Variants in KLHL8 observed in about 807,000 individuals in gnomAD.
KLHL8 encodes the protein kelch-like protein 8.
Under a neutral mutation model 63.5 loss-of-function variants are expected in KLHL8, and 38 were observed. That is an observed-to-expected ratio of 0.60 (90% confidence interval 0.46 to 0.78). The LOEUF is 0.78. KLHL8 is among the 30% of genes least tolerant of loss of function. The pLI is 0.00. For synonymous variants in KLHL8, 224 were observed against 254.3 expected (o/e 0.88, Z 1.13); for missense variants, 566 against 752.4 (o/e 0.75, Z 2.90).
At chr4:87,224,189 G>T (rs1012446310), upstream of KLHL8, among the ~76,000 whole-genome samples, 13 of 152,054 alleles carry the variant, frequency 8.5e-5, no homozygotes, top group Admixed American at 6.6e-4. Flanking sequence ...AGCCTCCTGA[G>T]TAGCTGGGTT....
In KLHL8 at chr4:87,163,919, T is replaced by C. The variant is rs1730273586; in HGVS notation, c.1698A>G (p.Ala566=). 1.2e-6 allele frequency: 2 copies of C among 1,614,164 alleles called. No individual in the cohort carries two copies. Among genetic ancestry groups the C allele is most frequent in the Non-Finnish European group, 1.7e-6 (2 of 1,180,012 alleles). The change falls in exon 9 of 10, where the codon GCA becomes GCG. Residue 566 remains alanine (A), a synonymous_variant. Transcript: ENST00000273963. Reference sequence around the variant, plus strand: ...CAAACGCTTCTACTGTATTTAAGTATGCATTGCCATTATGACCACCAACTG... The same window carrying C: ...CAAACGCTTCTACTGTATTTAAGTACGCATTGCCATTATGACCACCAACTG... The part of the protein sequence containing the change: ...IFAVGGHNGN[A]YLNTVEAFDP...
chr4:87,184,564 T>C (rs1731178684), intron 3 of KLHL8, among the ~76,000 whole-genome samples: 1 of 152,064 alleles, frequency 6.6e-6, no homozygotes, highest in South Asian at 2.1e-4. Context: ...AGAACACTCT[T>C]CTTTTAAGTA....
At chr4:87,187,512 T>C (rs571489559) in intron 2 of KLHL8, among the ~76,000 whole-genome samples, 6 of 152,150 alleles carry the variant, frequency 3.9e-5, no homozygotes, top group African/African-American at 1.4e-4. Context: ...ATCAGAGTAT[T>C]AGGCATTTGT....
At position 87,229,536 on chromosome 4, in the gene KLHL8, A is replaced by T. The variant is rs557739093; in HGVS notation, n.58-8146T>A. ...AACCTCTGCCTCCCGGGTTCAAGCC[A>T]TTCTCCTACCTCAGCCTCCCAAGTA... On this transcript the variant is annotated intron_variant and non_coding_transcript_variant, in intron 1 of 1. Transcript: ENST00000506274. Among the ~76,000 whole-genome samples, 4 of 149,182 alleles carry T rather than the reference A, an allele frequency of 2.7e-5. No homozygotes were observed. The Admixed American group carries it at 2.7e-4, about 10-fold the overall frequency.
At chr4:87,194,682 G>C (rs140383803) in intron 2 of KLHL8, among the ~76,000 whole-genome samples, 1 of 152,262 alleles carries the variant, frequency 6.6e-6, no homozygotes, top group East Asian at 1.9e-4. Context: ...AATCAACAAA[G>C]GCTTTTCCAT....
intron 5 of KLHL8, among the ~76,000 whole-genome samples, chr4:87,177,151 A>G (rs1730855660): frequency 6.6e-6 from 1 of 152,174 alleles, no homozygotes; most frequent in Non-Finnish European, 1.5e-5. Flanking sequence ...GGTAGATGAA[A>G]TCACTAATCA....
Position 87,183,257 on chromosome 4 carries a change from C to G in KLHL8, c.898G>C (p.Ala300Pro). The G allele has an allele frequency of 1.9e-6, 3 of 1,613,808 alleles. No individual in the cohort carries two copies. Among genetic ancestry groups the G allele is most frequent in the Non-Finnish European group, 2.5e-6 (3 of 1,179,814 alleles). Reference protein sequence around the residue: ...RNYHLHLSSRAVPDFEYSIRT... With the variant: ...RNYHLHLSSRPVPDFEYSIRT... ...ATGGAGTATTCAAAGTCAGGTACTG[C>G]TCTGCTACTCAAGTGAAGGTGGTAA... is the stretch of plus-strand genomic sequence containing the variant. Residue 300 changes from alanine (A) to proline (P), a missense_variant, in exon 4 of 10, where the codon GCA becomes CCA. By Grantham distance (27) the Ala-to-Pro change is conservative. Transcript: ENST00000273963.
rs1450712724 is a variant in KLHL8 at position 87,160,482 on chromosome 4, T to G, written c.*3037A>C. On this transcript the variant is annotated 3_prime_UTR_variant, in exon 10 of 10. Transcript: ENST00000273963. The stretch of plus-strand genomic sequence containing the variant: ...GTTTACCATTTACAAGAATAGTTTA[T>G]GCAATTTCAAGAAGTCCTTACCAAG... 6.6e-6 allele frequency: 1 copy of G among 152,222 alleles called. No homozygotes were observed. Among genetic ancestry groups the G allele is most frequent in the Non-Finnish European group, 1.5e-5 (1 of 68,026 alleles). The allele number at this position is 152,222 out of a possible 1,614,324, so 9.4% of individuals were successfully genotyped here.
intron 1 of KLHL8, chr4:87,219,532 T>C (rs929298778): frequency 2.0e-5 from 3 of 152,140 alleles, no homozygotes; most frequent in South Asian, 2.1e-4. Flanking sequence ...TTAACACAGA[T>C]GAAAATACTG....
intron 8 of KLHL8, among the ~76,000 whole-genome samples, chr4:87,169,271 C>T (rs1321253452): frequency 1.3e-5 from 2 of 152,164 alleles, no homozygotes; most frequent in Non-Finnish European, 2.9e-5. Flanking sequence ...TACCACTGCA[C>T]TCCAGCCTGG....
chr4:87,172,590 C>A (rs1730676513), intron 6 of KLHL8, among the ~76,000 whole-genome samples: 1 of 152,176 alleles, frequency 6.6e-6, no homozygotes, highest in African/African-American at 2.4e-5. Flanking sequence ...CATTATCCAT[C>A]CAGTTGCTTA....
At chr4:87,181,097 T>A (rs1731034957) in intron 4 of KLHL8, among the ~76,000 whole-genome samples, 1 of 151,940 alleles carries the variant, frequency 6.6e-6, no homozygotes, top group African/African-American at 2.4e-5. Flanking sequence ...TTAGTCAAAT[T>A]GTTTATAAGT....
At chr4:87,181,286 A>G (rs1018750047) in intron 4 of KLHL8, among the ~76,000 whole-genome samples, 55 of 103,862 alleles carry the variant, frequency 5.3e-4, no homozygotes, top group African/African-American at 1.5e-3. Context: ...AAAAAAAAGA[A>G]AAAAAAAAAA....
At chr4:87,177,910 C>CA (rs1292865365) in intron 5 of KLHL8, among the ~76,000 whole-genome samples, 8 of 152,098 alleles carry the variant, frequency 5.3e-5, no homozygotes, top group Admixed American at 4.6e-4. Context: ...ATAAAACAAA[C>CA]AAAAACACAC....
At chr4:87,214,082 T>C (rs1732500582) in intron 1 of KLHL8, among the ~76,000 whole-genome samples, 1 of 152,116 alleles carries the variant, frequency 6.6e-6, no homozygotes, top group African/African-American at 2.4e-5. Flanking sequence ...CCTGAGTCCT[T>C]GGTCAGGAAC....
intron 1 of KLHL8, among the ~76,000 whole-genome samples, chr4:87,236,889 C>T (rs1012672148): frequency 6.6e-6 from 1 of 152,044 alleles, no homozygotes; most frequent in Non-Finnish European, 1.5e-5. Context: ...GTCTCGAACT[C>T]CTGACCTCAG....
In KLHL8 at chr4:87,163,526, C is replaced by G. The variant is rs1464028026; in HGVS notation, c.1856G>C (p.Cys619Ser). ...TGGTGGCCAGAACTCAAATCACATA[C>G]AGTCAACCACATTATTGGATCCATG... The part of the protein sequence containing the change: ...VGHGSNNVVD[C>S]M The change falls in exon 10 of 10, where the codon TGT becomes TCT. Residue 619 changes from cysteine to serine, a missense_variant. Cys to Ser is a moderately radical substitution (Grantham distance 112, BLOSUM62 -1). Coordinates refer to ENST00000273963, the MANE Select transcript of KLHL8 (RefSeq NM_020803.5). The G allele has an allele frequency of 6.2e-7, 1 of 1,614,074 alleles. No individual in the cohort carries two copies. The highest frequency in any genetic ancestry group is 8.5e-7 in the Non-Finnish European group (1 of 1,179,984).
intron 1 of KLHL8, among the ~76,000 whole-genome samples, chr4:87,237,408 G>C (rs1733251214): frequency 6.6e-6 from 1 of 151,926 alleles, no homozygotes; most frequent in African/African-American, 2.4e-5. Flanking sequence ...GTTATCAGTA[G>C]AAACTAAAAA....
intron 1 of KLHL8, among the ~76,000 whole-genome samples, chr4:87,210,675 C>A (rs1003323554): frequency 6.6e-6 from 1 of 152,106 alleles, no homozygotes; most frequent in Non-Finnish European, 1.5e-5. Context: ...GCAAACCCCA[C>A]CCCATGTTCC....
Sources: gnomAD v4.1 joint callset for allele counts (sites outside exome capture counted in the v4.1 genomes callset) on GRCh38, gnomAD v4.1.1 for gene constraint, MANE v1.5 for transcripts, NCBI Gene and HGNC (gene_info 2026-07-23, HGNC 2026-07-21) for gene names.